FBXW11: variants seen among roughly 807,000 people sequenced by gnomAD.
FBXW11 encodes F-box and WD repeat domain containing 11.
Under a neutral mutation model 77.6 loss-of-function variants are expected in FBXW11, and 19 were observed. That is an observed-to-expected ratio of 0.24 (90% CI 0.17 to 0.36). The LOEUF (loss-of-function observed/expected upper bound fraction) is 0.36, where lower values mean the gene tolerates loss of function less well. FBXW11 is among the 10% of genes least tolerant of loss of function. FBXW11 has a pLI of 1.00. For synonymous variants in FBXW11, 235 were observed against 249.4 expected (o/e 0.94, Z 0.54); for missense variants, 334 against 704.2 (o/e 0.47, Z 5.95).
intron 6 of FBXW11, among the ~76,000 whole-genome samples, chr5:171,895,705 G>A (rs955012402): frequency 1.3e-5 from 2 of 152,212 alleles, no homozygotes; most frequent in African/African-American, 2.4e-5. Context: ...ACGCTAGAGT[G>A]AAAGCAGCAT....
chr5:171,968,045 A>ACC (rs1419169611), intron 1 of FBXW11, among the ~76,000 whole-genome samples: 4 of 152,024 alleles, frequency 2.6e-5, no homozygotes, highest in African/African-American at 9.7e-5. Context: ...AGCCACCTCT[A>ACC]AACAGAATAT....
chr5:171,918,433 G>T (rs1200815888), intron 2 of FBXW11, among the ~76,000 whole-genome samples: 1 of 152,148 alleles, frequency 6.6e-6, no homozygotes, highest in African/African-American at 2.4e-5. Flanking sequence ...CTTCCCAAGA[G>T]AAAAGAAAGG....
At chr5:171,967,548 T>G (rs775615516) in intron 1 of FBXW11, among the ~76,000 whole-genome samples, 24 of 152,098 alleles carry the variant, frequency 1.6e-4, no homozygotes, top group Non-Finnish European at 2.9e-5. Flanking sequence ...ATAAATATAA[T>G]ATATACATAG....
At chr5:171,919,268 T>G (rs1761437127) in intron 2 of FBXW11, among the ~76,000 whole-genome samples, 1 of 152,104 alleles carries the variant, frequency 6.6e-6, no homozygotes, top group Admixed American at 6.5e-5. Flanking sequence ...TAGGCATACG[T>G]TTTCCTTTCA....
intron 1 of FBXW11, among the ~76,000 whole-genome samples, chr5:171,994,563 T>C (rs1182067508): frequency 6.6e-6 from 1 of 152,190 alleles, no homozygotes; most frequent in Non-Finnish European, 1.5e-5. Context: ...TCAACACTTC[T>C]GATCCCAAGC....
intron 5 of FBXW11, 98 bp downstream of exon 5, chr5:171,899,816 G>T: frequency 2.8e-6 from 3 of 1,087,062 alleles, no homozygotes; most frequent in South Asian, 1.9e-5. Flanking sequence ...TTTAAAAATA[G>T]GCCAGCACAT....
At chr5:171,939,346 C>T (rs1762630211) in intron 2 of FBXW11, among the ~76,000 whole-genome samples, 3 of 152,054 alleles carry the variant, frequency 2.0e-5, no homozygotes, top group African/African-American at 7.2e-5. Flanking sequence ...AAAACCCACC[C>T]AAGTGACTCT....
In FBXW11 at chr5:172,006,621, C is replaced by A; in HGVS notation, c.-119G>T. The A allele has an allele frequency of 7.7e-7, 1 of 1,301,984 alleles. No individual in the cohort carries two copies. The highest frequency in any genetic ancestry group is 9.8e-7 in the Non-Finnish European group (1 of 1,024,142). 80.7% of individuals were successfully genotyped at this position (1,301,984 alleles called of 1,614,324 possible). ...CTATCGCACCCACTCTAGCTGCCAG[C>A]CCGCCCGGGCCGCCGGCAGCTCCGC... is the stretch of plus-strand genomic sequence containing the variant. On this transcript the variant is annotated 5_prime_UTR_variant, in exon 1 of 14. Transcript: ENST00000517395.
intron 4 of FBXW11, among the ~76,000 whole-genome samples, chr5:171,905,354 A>T (rs1760406925): frequency 6.6e-6 from 1 of 152,166 alleles, no homozygotes; most frequent in Admixed American, 6.5e-5. Flanking sequence ...TGAGATAGGT[A>T]CTCTACATAC....
intron 3 of FBXW11, 119 bp from the exon 4 acceptor site, chr5:171,910,916 G>T: frequency 1.5e-6 from 1 of 662,084 alleles, no homozygotes; most frequent in Non-Finnish European, 2.4e-6. Flanking sequence ...TTACCCTAAA[G>T]CCAAACTCAT....
At chr5:171,903,217 C>T (rs1029099093) in intron 4 of FBXW11, among the ~76,000 whole-genome samples, 1 of 152,164 alleles carries the variant, frequency 6.6e-6, no homozygotes, top group Admixed American at 6.5e-5. Flanking sequence ...CCACCTCAAC[C>T]TCCCAAGTAA....
At chr5:171,940,906 G>A (rs1245160061) in intron 2 of FBXW11, among the ~76,000 whole-genome samples, 4 of 150,646 alleles carry the variant, frequency 2.7e-5, no homozygotes, top group African/African-American at 9.7e-5. Context: ...AGATACAGAC[G>A]CTGACCTGAA....
At position 171,904,575 on chromosome 5, in the gene FBXW11, G is replaced by A. The variant is rs1461772848; in HGVS notation, c.437-4475C>T. Among the ~76,000 whole-genome samples the A allele has an allele frequency of 6.6e-6, 1 of 151,964 alleles. No individual in the cohort carries two copies. Among genetic ancestry groups the A allele is most frequent in the Non-Finnish European group, 1.5e-5 (1 of 67,978 alleles). Reference sequence around the variant, plus strand: ...GGAATCTGGGTGTGGTTTTTTTGTTGTTGTTGTTGTTTTTGGAAACAGATT... The same window carrying A: ...GGAATCTGGGTGTGGTTTTTTTGTTATTGTTGTTGTTTTTGGAAACAGATT... On this transcript the variant is annotated intron_variant, in intron 4 of 13. Transcript: ENST00000517395. This position sits in a 1 kb window ranked among gnomAD's most constrained non-coding sequence, Gnocchi z 4.0.
chr5:171,935,253 A>C (rs995519381), intron 2 of FBXW11, among the ~76,000 whole-genome samples: 1 of 152,156 alleles, frequency 6.6e-6, no homozygotes, highest in South Asian at 2.1e-4. Flanking sequence ...CACCGCGCCC[A>C]GCCGGTAGCG....
intron 1 of FBXW11, among the ~76,000 whole-genome samples, chr5:171,968,733 C>T (rs991229382): frequency 6.6e-6 from 1 of 152,024 alleles, no homozygotes; most frequent in Non-Finnish European, 1.5e-5. Context: ...ATACTAGTGC[C>T]CCTGTCCCCA....
chr5:171,919,309 C>T (rs915597236), intron 2 of FBXW11, among the ~76,000 whole-genome samples: 16 of 152,280 alleles, frequency 1.1e-4, no homozygotes, highest in Non-Finnish European at 1.2e-4. Context: ...TCTATCTCTG[C>T]TCAAAAATCA....
chr5:171,957,798 T>A, intron 1 of FBXW11, 100 bp from the exon 2 acceptor site: 1 of 1,010,662 alleles, frequency 9.9e-7, no homozygotes, highest in East Asian at 2.4e-5. Flanking sequence ...GGGCAGGGGG[T>A]GCACCCTTGG....
intron 1 of FBXW11, among the ~76,000 whole-genome samples, chr5:171,997,692 T>C (rs1339641777): frequency 2.0e-5 from 3 of 152,176 alleles, no homozygotes; most frequent in East Asian, 1.9e-4. Context: ...AACGCTAATA[T>C]ACAATTTACT....
chr5:171,987,422 C>A (rs1765504690), intron 1 of FBXW11, among the ~76,000 whole-genome samples: 1 of 151,960 alleles, frequency 6.6e-6, no homozygotes, highest in Non-Finnish European at 1.5e-5. Flanking sequence ...CTGCTCGAGC[C>A]TCAAAGGGTA....
Sources: gnomAD v4.1 joint callset for allele counts (sites outside exome capture counted in the v4.1 genomes callset) on GRCh38, gnomAD v4.1.1 for gene constraint, Gnocchi (gnomAD v3.1) non-coding constraint, MANE v1.5 for transcripts, NCBI Gene and HGNC (gene_info 2026-07-23, HGNC 2026-07-21) for gene names.